Variants in PCDH7 observed in about 807,000 individuals in gnomAD.
PCDH7 encodes the protein protocadherin-7.
A neutral mutation model predicts 58.9 loss-of-function variants in PCDH7; 17 were observed. That is an observed-to-expected ratio of 0.29 (90% CI 0.20 to 0.43). PCDH7 has a LOEUF of 0.43. PCDH7 is among the 20% of genes least tolerant of loss of function. The pLI, the probability that PCDH7 is intolerant of heterozygous loss-of-function variation, is 1.00. For missense variants in PCDH7, 1,274 were observed against 1,441.0 expected (o/e 0.88, Z 1.88); for synonymous variants, 664 against 616.4 (o/e 1.08, Z -1.14).
intron 3 of PCDH7, among the ~76,000 whole-genome samples, chr4:30,957,688 T>C (rs1748000581): frequency 6.6e-6 from 1 of 152,160 alleles, no homozygotes; most frequent in African/African-American, 2.4e-5. Flanking sequence ...CTGAACTAGT[T>C]CTCAAAAGGA....
At chr4:30,892,175 G>A (rs1046333373) in intron 1 of PCDH7, among the ~76,000 whole-genome samples, 1 of 151,826 alleles carries the variant, frequency 6.6e-6, no homozygotes, top group African/African-American at 2.4e-5. Flanking sequence ...TATTTCATTC[G>A]GATTTCACTG....
intron 3 of PCDH7, among the ~76,000 whole-genome samples, chr4:30,993,153 T>C (rs192621715): frequency 6.6e-6 from 1 of 152,270 alleles, no homozygotes; most frequent in East Asian, 1.9e-4. Flanking sequence ...CACTCAGAAC[T>C]TCTATAGATG....
intron 3 of PCDH7, among the ~76,000 whole-genome samples, chr4:31,012,463 T>C (rs1050938762): frequency 1.3e-5 from 2 of 150,406 alleles, no homozygotes; most frequent in Non-Finnish European, 3.0e-5. Context: ...TAAGGTTTGA[T>C]GCTTTTAGAG....
chr4:31,126,307 C>A (rs909650054), intron 3 of PCDH7, among the ~76,000 whole-genome samples: 3 of 151,770 alleles, frequency 2.0e-5, no homozygotes, highest in African/African-American at 7.3e-5. Context: ...AGGTGCACAC[C>A]ATTATACCCA....
At chr4:30,838,063 G>C (rs571800475) in intron 1 of PCDH7, among the ~76,000 whole-genome samples, 1 of 151,964 alleles carries the variant, frequency 6.6e-6, no homozygotes, top group South Asian at 2.1e-4. Flanking sequence ...GGCTAGGAGA[G>C]ATAATCGACT....
intron 2 of PCDH7, among the ~76,000 whole-genome samples, chr4:30,936,218 T>A (rs2109431202): frequency 6.6e-6 from 1 of 152,112 alleles, no homozygotes. Context: ...ATCATTTGCT[T>A]TACAGTATCA....
intron 3 of PCDH7, among the ~76,000 whole-genome samples, chr4:31,008,303 A>G (rs1365984717): frequency 1.3e-5 from 2 of 152,172 alleles, no homozygotes; most frequent in African/African-American, 4.8e-5. Flanking sequence ...AATTTGGATT[A>G]TAGCTTTTGG....
intron 3 of PCDH7, among the ~76,000 whole-genome samples, chr4:30,988,517 T>G (rs922163113): frequency 6.6e-5 from 10 of 152,232 alleles, no homozygotes; most frequent in Non-Finnish European, 1.5e-5. Flanking sequence ...TAGCATTTAG[T>G]ACACAGGCCT....
intron 3 of PCDH7, among the ~76,000 whole-genome samples, chr4:30,951,276 G>T (rs1747336979): frequency 6.6e-6 from 1 of 152,102 alleles, no homozygotes; most frequent in Non-Finnish European, 1.5e-5. Context: ...AACATTAAAA[G>T]ATCATATTCC....
chr4:31,097,227 T>A (rs1479656957), intron 3 of PCDH7, among the ~76,000 whole-genome samples: 1 of 151,784 alleles, frequency 6.6e-6, no homozygotes, highest in East Asian at 2.0e-4. Context: ...GAGGCCGAGG[T>A]GGGTGAATCA....
At chr4:31,132,401 T>C (rs957479081) in intron 3 of PCDH7, among the ~76,000 whole-genome samples, 1 of 152,136 alleles carries the variant, frequency 6.6e-6, no homozygotes, top group East Asian at 1.9e-4. Context: ...GGAGACTTTA[T>C]GTACTATTTT....
chr4:30,978,820 A>G (rs548392326), intron 3 of PCDH7, among the ~76,000 whole-genome samples: 13 of 152,166 alleles, frequency 8.5e-5, no homozygotes, highest in Non-Finnish European at 1.9e-4. Flanking sequence ...AATTCAAGAT[A>G]TTTATTTTTC....
In PCDH7 at chr4:30,993,887, T is replaced by C. The variant is rs28534792; in HGVS notation, c.*7+43672T>C. On this transcript the variant is annotated intron_variant, in intron 3 of 3. Coordinates refer to the PCDH7 transcript ENST00000509759. ...ATGTTTAGAAGAGAGAGTGTGTCTG[T>C]GTGGGTATAAATTCACAGTTCATAA... is the stretch of plus-strand genomic sequence containing the variant. Among the ~76,000 whole-genome samples the C allele has an allele frequency of 5.3e-5, 8 of 152,210 alleles. No homozygotes were observed. In the East Asian group the frequency reaches 1.4e-3, roughly 26 times the overall value.
chr4:31,084,432 C>A (rs965892173), intron 3 of PCDH7, among the ~76,000 whole-genome samples: 11 of 151,666 alleles, frequency 7.3e-5, no homozygotes, highest in Non-Finnish European at 1.5e-4. Context: ...TAGTTGAATA[C>A]GAGTGTAGTG....
At chr4:31,013,472 T>C (rs920244668) in intron 3 of PCDH7, among the ~76,000 whole-genome samples, 10 of 150,270 alleles carry the variant, frequency 6.7e-5, no homozygotes, top group African/African-American at 2.4e-4. Flanking sequence ...AATATGTGCA[T>C]ATATAATATA....
intron 3 of PCDH7, among the ~76,000 whole-genome samples, chr4:31,107,362 TTAAC>T (rs1197633661): frequency 1.3e-5 from 2 of 152,170 alleles, no homozygotes; most frequent in East Asian, 3.9e-4. Context: ...AGAAGGCCCA[TTAAC>T]TGGCATACAA....
At chr4:31,023,410 GAAC>G (rs1754183430) in intron 3 of PCDH7, among the ~76,000 whole-genome samples, 1 of 152,164 alleles carries the variant, frequency 6.6e-6, no homozygotes, top group African/African-American at 2.4e-5. Flanking sequence ...TTGCTGGGAA[GAAC>G]AACAATTTTA....
intron 1 of PCDH7, among the ~76,000 whole-genome samples, chr4:30,898,597 C>A (rs998361647): frequency 1.3e-5 from 2 of 151,848 alleles, no homozygotes; most frequent in African/African-American, 4.8e-5. Context: ...GAGCTGAAAT[C>A]CCAATTTTTT....
chr4:31,145,056 T>G (rs1309786707), downstream of PCDH7: 1 of 152,002 alleles, frequency 6.6e-6, no homozygotes, highest in Non-Finnish European at 1.5e-5. Flanking sequence ...TGACAAACTT[T>G]TTTTTTTTTA....
Sources: gnomAD v4.1 joint callset for allele counts (sites outside exome capture counted in the v4.1 genomes callset) on GRCh38, gnomAD v4.1.1 for gene constraint, MANE v1.5 for transcripts, NCBI Gene and HGNC (gene_info 2026-07-23, HGNC 2026-07-21) for gene names.